Variants in MEI1 observed in about 807,000 individuals in gnomAD.
The protein encoded by MEI1 is meiotic double-stranded break formation protein 1, also known as meiosis inhibitor protein 1.
A neutral mutation model predicts 146.2 loss-of-function variants in MEI1; 103 were observed. The observed-to-expected ratio is 0.70, with a 90% CI of 0.60 to 0.83. MEI1 has a LOEUF of 0.83. Among genes scored for constraint, MEI1 ranks in the 40% least tolerant of loss-of-function variants. The pLI, the probability that MEI1 is intolerant of heterozygous loss-of-function variation, is 0.00. For missense variants in MEI1, 1,529 were observed against 1,533.0 expected, an observed-to-expected ratio of 1.00 and a Z score of 0.04; for synonymous variants, 652 against 628.2, an observed-to-expected ratio of 1.04 and a Z score of -0.57.
intron 30 of MEI1, among the ~76,000 whole-genome samples, chr22:41,798,160 CACACACACACAT>C (rs1429171703): frequency 1.1e-3 from 97 of 91,680 alleles, no homozygotes; most frequent in Admixed American, 9.1e-3. Flanking sequence ...CACACACACA[CACACACACACAT>C]AGTGTGTGTC....
Position 41,730,534 on chromosome 22 carries a change from G to T in MEI1, c.993G>T (p.Glu331Asp). The T allele has an allele frequency of 6.2e-7, 1 of 1,612,806 alleles. No individual in the cohort carries two copies. Among genetic ancestry groups the T allele is most frequent in the Middle Eastern group, 1.7e-4 (1 of 6,060 alleles). Reference sequence around the variant, plus strand: ...CTCCCTTGTTAGAGTTCCTCTTTGAGCATCTTTCTTCTTCCAGTGAAGTGC... The same window carrying T: ...CTCCCTTGTTAGAGTTCCTCTTTGATCATCTTTCTTCTTCCAGTGAAGTGC... ...IHADIPEFLF[E>D]HLSSSSEVLV... The change falls in exon 9 of 31, where the codon GAG (glutamate) becomes GAT (aspartate). Residue 331 changes from glutamate to aspartate, a missense_variant. Physicochemically the swap from Glu to Asp is conservative, Grantham distance 45. This residue lies in a region of MEI1 where 1,212 missense variants were observed against 1,178.9 expected (regional missense o/e 1.03). Coordinates refer to ENST00000401548, the MANE Select transcript of MEI1 (RefSeq NM_152513.4).
intron 9 of MEI1, 34 bp from the exon 10 acceptor site, chr22:41,732,211 G>T: frequency 1.3e-6 from 2 of 1,539,746 alleles, no homozygotes; most frequent in South Asian, 2.3e-5. Flanking sequence ...AGAGAGCACT[G>T]ATCCCTGGCC....
chr22:41,700,471 C>T lies in MEI1; in HGVS notation c.174+759C>T, dbSNP rs547429659. On this transcript the variant is annotated intron_variant, in intron 1 of 30. Transcript: ENST00000401548. Reference sequence around the variant, plus strand: ...TCAACCTACCCAGTAGCTGGGATTACAGGCTCCCGCCACCACGCTCGGCTA... The same window carrying T: ...TCAACCTACCCAGTAGCTGGGATTATAGGCTCCCGCCACCACGCTCGGCTA... 1.3e-4 allele frequency among the ~76,000 whole-genome samples: 20 copies of T among 152,328 alleles called. No individual in the cohort carries two copies. The South Asian group carries it at 4.1e-3, about 32-fold the overall frequency.
rs549667732 is a variant in MEI1, at chr22:41,732,483, T to C, written c.1211T>C (p.Ile404Thr). Reference protein sequence around the residue: ...AEILTRQPEEIKLFTSSAMCR... With the variant: ...AEILTRQPEETKLFTSSAMCR... ...CCATTTCTCAGGCAGCCAGAGGAGA[T>C]CAAGCTGTTCACAAGCTCAGCCATG... is the stretch of plus-strand genomic sequence containing the variant. The change falls in exon 11 of 31, where the codon ATC becomes ACC. Residue 404 changes from isoleucine (I) to threonine (T), a missense_variant. Ile to Thr is a moderately conservative substitution (Grantham distance 89, BLOSUM62 -1). Coordinates refer to ENST00000401548, the MANE Select transcript of MEI1 (RefSeq NM_152513.4). 9.5e-5 allele frequency: 154 copies of C among 1,613,684 alleles called. No homozygotes were observed. Among genetic ancestry groups the C allele is most frequent in the Non-Finnish European group, 1.3e-4 (152 of 1,179,870 alleles).
At chr22:41,726,720 A>G (rs1030026104) in intron 7 of MEI1, among the ~76,000 whole-genome samples, 1 of 151,842 alleles carries the variant, frequency 6.6e-6, no homozygotes, top group Non-Finnish European at 1.5e-5. Context: ...CATCAATAGC[A>G]TCTTAAGATA....
chr22:41,791,201 C>G (rs565590415), intron 26 of MEI1, among the ~76,000 whole-genome samples: 4 of 152,226 alleles, frequency 2.6e-5, no homozygotes, highest in African/African-American at 9.6e-5. Flanking sequence ...AAAGCTCTCT[C>G]TCGGGCTGGG....
chr22:41,795,694 C>T lies in MEI1; in HGVS notation c.3667-41C>T, dbSNP rs371032954. On this transcript the variant is annotated intron_variant, in intron 29 of 30. Transcript: ENST00000401548. The surrounding 1 kb of genome is among the most constrained non-coding windows in gnomAD (Gnocchi z 4.2). ...GCAGTTAGGGCCTGTGTGGAATGGG[C>T]ACTGAGGAGGCCTGTCTTCCCTGCC... The T allele has an allele frequency of 1.0e-4, 162 of 1,598,676 alleles. No homozygotes were observed. The African/African-American group carries it at 2.0e-3, about 20-fold the overall frequency.
intron 11 of MEI1, among the ~76,000 whole-genome samples, chr22:41,733,505 C>T (rs925739389): frequency 5.3e-5 from 8 of 151,528 alleles, no homozygotes; most frequent in African/African-American, 1.7e-4. Context: ...CCCTGTAAAC[C>T]CAGCACTTTG....
chr22:41,758,482 G>A lies in MEI1; in HGVS notation c.2069G>A (p.Arg690Lys). Residue 690 changes from arginine (R) to lysine (K), a missense_variant, in exon 18 of 31, where the codon AGA (arginine) becomes AAA (lysine). By Grantham distance (26) the Arg-to-Lys change is conservative. Around this residue, in one of 3 missense-constraint regions of MEI1, gnomAD observed 1,212 missense variants for 1,178.9 expected, o/e 1.03. Transcript: ENST00000401548. ...RQYMEGAARQ[R>K]QYCILLLFYL... ...TACATGGAGGGAGCTGCTCGCCAGAGACAGTACTGCATCCTGCTCCTCTTC... is the reference window on the plus strand; with the variant it reads ...TACATGGAGGGAGCTGCTCGCCAGAAACAGTACTGCATCCTGCTCCTCTTC... 1 of 1,613,820 alleles carries A rather than the reference G, an allele frequency of 6.2e-7. No homozygotes were observed. Among genetic ancestry groups the A allele is most frequent in the Non-Finnish European group, 8.5e-7 (1 of 1,179,832 alleles).
At chr22:41,763,978 G>A (rs1197104287) in intron 19 of MEI1, among the ~76,000 whole-genome samples, 2 of 124,808 alleles carry the variant, frequency 1.6e-5, no homozygotes, top group Admixed American at 2.0e-4. Flanking sequence ...ACGGAGTCTC[G>A]CTCTGTCACC....
In MEI1 at chr22:41,796,351, G is replaced by GT. The variant is rs34348723; in HGVS notation, c.3779+520dup. Among the ~76,000 whole-genome samples the GT allele has an allele frequency of 1.3e-3, 187 of 140,110 alleles. 1 individual carries two copies. The highest frequency in any genetic ancestry group is 0.012 in the South Asian group (50 of 4,332). The allele number at this position is 140,110 out of a possible 152,430, so 91.9% of individuals were successfully genotyped here. The stretch of plus-strand genomic sequence containing the variant: ...TACAGGTGCCTGCCACCACGCCCAG[G>GT]TTTTTTTTTTTTTTTTCTATTTTTA... On this transcript the variant is annotated intron_variant, in intron 30 of 30. Coordinates refer to ENST00000401548, the MANE Select transcript of MEI1 (RefSeq NM_152513.4).
intron 26 of MEI1, among the ~76,000 whole-genome samples, chr22:41,787,402 A>G (rs2076030317): frequency 6.6e-6 from 1 of 152,176 alleles, no homozygotes; most frequent in Non-Finnish European, 1.5e-5. Context: ...TTGCTTAATC[A>G]TATCTGTCCA....
At position 41,781,827 on chromosome 22, in the gene MEI1, G is replaced by C; in HGVS notation, c.3069G>C (p.Gln1023His). The C allele has an allele frequency of 6.2e-7, 1 of 1,613,990 alleles. No homozygotes were observed. Among genetic ancestry groups the C allele is most frequent in the Non-Finnish European group, 8.5e-7 (1 of 1,179,898 alleles). Residue 1023 changes from glutamine (Q) to histidine (H), a missense_variant, in exon 24 of 31, where the codon CAG becomes CAC. Gln to His is a conservative substitution (Grantham distance 24). This residue lies in a region of MEI1 where 313 missense variants were observed against 337.3 expected (regional missense o/e 0.93). Coordinates refer to ENST00000401548, the MANE Select transcript of MEI1 (RefSeq NM_152513.4). ...TCACTGCCTCCTTCTCTGCCCAGCAGCACAAGGGCAGTTTGCAGGTTAGTC... is the reference window on the plus strand; with the variant it reads ...TCACTGCCTCCTTCTCTGCCCAGCACCACAAGGGCAGTTTGCAGGTTAGTC... ...WLLTASFSAQ[Q>H]HKGSLQVHQT... is the part of the protein sequence containing the mutation.
chr22:41,727,488 G>C (rs1601774847), intron 7 of MEI1, among the ~76,000 whole-genome samples: 1 of 152,152 alleles, frequency 6.6e-6, no homozygotes, highest in African/African-American at 2.4e-5. Context: ...TCTGATGGGG[G>C]AGGCATCACA....
rs1482782969 is a variant in MEI1 at position 41,794,427 on chromosome 22, G to T, written c.3484G>T (p.Ala1162Ser). 6.2e-7 allele frequency: 1 copy of T among 1,614,002 alleles called. No homozygotes were observed. Among genetic ancestry groups the T allele is most frequent in the Admixed American group, 1.7e-5 (1 of 60,022 alleles). The change falls in exon 28 of 31, where the codon GCT becomes TCT. Residue 1162 changes from alanine to serine, a missense_variant. Coordinates refer to ENST00000401548, the MANE Select transcript of MEI1 (RefSeq NM_152513.4). ...NRFLLFTLLD[A>S]GENSFLRPEI... The stretch of plus-strand genomic sequence containing the variant: ...GTTTTTGCTGTTTACCCTCTTGGAT[G>T]CTGGAGAGAATTCCTTCCTCAGACC...
At chr22:41,798,089 G>T (rs1326925595) in intron 30 of MEI1, among the ~76,000 whole-genome samples, 8 of 150,004 alleles carry the variant, frequency 5.3e-5, no homozygotes, top group African/African-American at 2.0e-4. Context: ...TTGTCCAAGC[G>T]CAGTTGGTTC....
At chr22:41,777,903 C>T (rs951351720) in intron 21 of MEI1, among the ~76,000 whole-genome samples, 2 of 151,222 alleles carry the variant, frequency 1.3e-5, no homozygotes, top group African/African-American at 2.4e-5. Context: ...CTTCTTTCTC[C>T]TTCATCTTCT....
chr22:41,776,353 A>G, intron 21 of MEI1, 86 bp downstream of exon 21: 1 of 1,421,498 alleles, frequency 7.0e-7, no homozygotes, highest in Non-Finnish European at 9.7e-7. Context: ...CTGCTCCAGG[A>G]GAGAGAATCA....
At chr22:41,760,636 C>T (rs1345754893) in intron 18 of MEI1, among the ~76,000 whole-genome samples, 1 of 152,206 alleles carries the variant, frequency 6.6e-6, no homozygotes, top group East Asian at 1.9e-4. Flanking sequence ...CATTGGCAAG[C>T]TACTGCCTTA....
Sources: allele counts gnomAD v4.1 joint callset (sites outside exome capture counted in the v4.1 genomes callset), GRCh38; gene constraint gnomAD v4.1.1; regional missense constraint gnomAD v4.1.1; non-coding constraint Gnocchi (gnomAD v3.1); transcripts MANE v1.5; gene names NCBI Gene and HGNC (gene_info 2026-07-23, HGNC 2026-07-21).